The following TOX3 variants were observed in gnomAD, a reference collection of about 807,000 sequenced individuals.
TOX3 encodes the protein TOX high mobility group box family member 3.
In TOX3, 22 loss-of-function variants were observed where a neutral mutation model predicts 64.3. The ratio of observed to expected loss-of-function variants is 0.34; its 90% CI spans 0.24 to 0.49. TOX3 has a LOEUF of 0.49. Ranked by LOEUF, TOX3 falls within the 20% of genes least tolerant of loss-of-function variation. TOX3 has a pLI of 0.99. For missense variants in TOX3, 661 were observed against 714.4 expected, an observed-to-expected ratio of 0.93 and a Z score of 0.85; for synonymous variants, 291 against 273.6, an observed-to-expected ratio of 1.06 and a Z score of -0.63.
intron 1 of TOX3, among the ~76,000 whole-genome samples, chr16:52,500,356 T>C (rs1195848576): frequency 6.6e-6 from 1 of 152,188 alleles, no homozygotes; most frequent in Non-Finnish European, 1.5e-5. Flanking sequence ...GGCACAGACT[T>C]CTAATCAAAA....
intron 4 of TOX3, among the ~76,000 whole-genome samples, chr16:52,449,799 C>G (rs1332259267): frequency 1.3e-5 from 2 of 152,192 alleles, no homozygotes; most frequent in Non-Finnish European, 2.9e-5. Context: ...TTTCCCATGA[C>G]AAAGGCAAAA....
At chr16:52,486,426 C>T (rs575585816) in intron 1 of TOX3, among the ~76,000 whole-genome samples, 2 of 152,302 alleles carry the variant, frequency 1.3e-5, no homozygotes, top group South Asian at 4.1e-4. Context: ...ATCAAAGACA[C>T]TTTGGTATTT....
At chr16:52,502,530 C>T (rs969284421) in intron 1 of TOX3, among the ~76,000 whole-genome samples, 1 of 152,104 alleles carries the variant, frequency 6.6e-6, no homozygotes, top group African/African-American at 2.4e-5. Flanking sequence ...ATCCAGGTTG[C>T]CATTTTTAAT....
intron 1 of TOX3, among the ~76,000 whole-genome samples, chr16:52,520,684 C>A (rs1962586956): frequency 6.6e-6 from 1 of 152,080 alleles, no homozygotes; most frequent in Non-Finnish European, 1.5e-5. Flanking sequence ...GGCAGCACCC[C>A]ATAGTCAAAC....
At chr16:52,448,640 C>A (rs1367607462) in intron 4 of TOX3, among the ~76,000 whole-genome samples, 1 of 152,132 alleles carries the variant, frequency 6.6e-6, no homozygotes, top group Admixed American at 6.6e-5. Context: ...TCACTTGAAC[C>A]TCCCTTCTCT....
chr16:52,513,285 T>C (rs1418343645), intron 1 of TOX3, among the ~76,000 whole-genome samples: 1 of 152,244 alleles, frequency 6.6e-6, no homozygotes, highest in Non-Finnish European at 1.5e-5. Flanking sequence ...ATGTTACTTC[T>C]GTGTTATAGA....
chr16:52,473,973 G>A (rs1214649673), intron 1 of TOX3, among the ~76,000 whole-genome samples: 3 of 151,704 alleles, frequency 2.0e-5, no homozygotes, highest in East Asian at 1.9e-4. Context: ...ACACACACAC[G>A]TCCACATGCT....
At chr16:52,463,892 C>A (rs1221335900) in intron 3 of TOX3, 42 bp downstream of exon 3, 1 of 1,482,974 alleles carries the variant, frequency 6.7e-7, no homozygotes, top group African/African-American at 1.4e-5. Flanking sequence ...ATGATTTGTG[C>A]AAATGATAAA....
intron 1 of TOX3, among the ~76,000 whole-genome samples, chr16:52,484,770 C>T (rs1219773167): frequency 6.6e-6 from 1 of 152,004 alleles, no homozygotes; most frequent in Non-Finnish European, 1.5e-5. Context: ...TGAATTATGC[C>T]ATGAAGGATA....
chr16:52,547,001 G>A lies in TOX3; in HGVS notation c.-278C>T. 1 of 957,338 alleles carries A rather than the reference G, an allele frequency of 1.0e-6. No individual in the cohort carries two copies. Among genetic ancestry groups the A allele is most frequent in the Non-Finnish European group, 1.2e-6 (1 of 806,962 alleles). 59.3% of individuals were successfully genotyped at this position (957,338 alleles called of 1,614,324 possible). ...GCGCTGCGCGCGGGCCGGGCGCCGG[G>A]GGCGCGGGGCGCGGCGCTGGGGCCC... On this transcript the variant is annotated 5_prime_UTR_variant, in exon 1 of 7. Coordinates refer to ENST00000219746, the MANE Select transcript of TOX3 (RefSeq NM_001080430.4).
At chr16:52,446,693 G>A (rs1399292370) in intron 4 of TOX3, among the ~76,000 whole-genome samples, 1 of 151,476 alleles carries the variant, frequency 6.6e-6, no homozygotes, top group Non-Finnish European at 1.5e-5. Flanking sequence ...TTTTTTTTGA[G>A]GCTGATTTTT....
intron 1 of TOX3, among the ~76,000 whole-genome samples, chr16:52,535,786 A>G (rs993805055): frequency 6.6e-6 from 1 of 152,208 alleles, no homozygotes; most frequent in Non-Finnish European, 1.5e-5. Flanking sequence ...ATCCCTGCCT[A>G]GGCAAAATCC....
chr16:52,530,960 T>A (rs946310526), intron 1 of TOX3, among the ~76,000 whole-genome samples: 5 of 152,188 alleles, frequency 3.3e-5, no homozygotes, highest in African/African-American at 1.2e-4. Flanking sequence ...GTTTTCAGTG[T>A]TTAAACTATG....
rs1567306523 is a variant in TOX3 at position 52,439,456 on chromosome 16, TTGC to T, written c.1497_1499del (p.Gln500del). The T allele has an allele frequency of 6.7e-7, 1 of 1,491,644 alleles. No homozygotes were observed. The highest frequency in any genetic ancestry group is 2.0e-5 in the Admixed American group (1 of 51,032). The allele number at this position is 1,491,644 out of a possible 1,614,324, so 92.4% of individuals were successfully genotyped here. On this transcript the variant is annotated inframe_deletion, in exon 7 of 7. Transcript: ENST00000219746. ...GCTGCTGCAGCTGCTGTTGATTAAT[TTGC>T]TGCTGGAGATGCTGCTGCTGCTGCT... is the stretch of plus-strand genomic sequence containing the variant.
In TOX3 at chr16:52,448,300, G is replaced by A. The variant is rs562742386; in HGVS notation, c.678+1977C>T. ...GCCTTTACACAAAACCTAGACCCTC[G>A]CTTAAAATGGAGCAAGCTAGGAGTC... On this transcript the variant is annotated intron_variant, in intron 4 of 6. Coordinates refer to ENST00000219746, the MANE Select transcript of TOX3 (RefSeq NM_001080430.4). Among the ~76,000 whole-genome samples, 5 of 152,098 alleles carry A rather than the reference G, an allele frequency of 3.3e-5. No individual in the cohort carries two copies. In the East Asian group the frequency reaches 5.8e-4, roughly 18 times the overall value.
chr16:52,530,214 G>A (rs1247621658), intron 1 of TOX3, among the ~76,000 whole-genome samples: 1 of 152,174 alleles, frequency 6.6e-6, no homozygotes, highest in East Asian at 1.9e-4. Context: ...AGCGTCCCAG[G>A]AAGTTGAATT....
intron 2 of TOX3, among the ~76,000 whole-genome samples, chr16:52,467,380 G>T (rs1470260239): frequency 6.6e-6 from 1 of 152,162 alleles, no homozygotes; most frequent in Non-Finnish European, 1.5e-5. Context: ...TGTCTTCTTG[G>T]TTAGAGAGAT....
At chr16:52,445,684 GA>G in intron 5 of TOX3, 1 of 268,286 alleles carries the variant, frequency 3.7e-6, no homozygotes, top group Non-Finnish European at 7.1e-6. Flanking sequence ...GAACAAAGGG[GA>G]AAAAATTCCA....
At chr16:52,481,915 C>G (rs1488470337) in intron 1 of TOX3, among the ~76,000 whole-genome samples, 2 of 152,144 alleles carry the variant, frequency 1.3e-5, no homozygotes. Flanking sequence ...ACATGAGACT[C>G]TAAATCCCAC....
Sources: gnomAD v4.1 joint callset for allele counts (sites outside exome capture counted in the v4.1 genomes callset) on GRCh38, gnomAD v4.1.1 for gene constraint, MANE v1.5 for transcripts, NCBI Gene and HGNC (gene_info 2026-07-23, HGNC 2026-07-21) for gene names.